ERMP1: variants seen among roughly 807,000 people sequenced by gnomAD.
ERMP1 encodes Felix-ina.
Under a neutral mutation model 92.0 loss-of-function variants are expected in ERMP1, and 86 were observed. The ratio of observed to expected loss-of-function variants is 0.93; its 90% CI spans 0.79 to 1.12. The LOEUF is 1.12. ERMP1 is among the 50% of genes most tolerant of loss of function. ERMP1 has a pLI of 0.00. For missense variants in ERMP1, 1,342 were observed against 1,116.3 expected (o/e 1.20, Z -2.88); for synonymous variants, 530 against 412.8 (o/e 1.28, Z -3.44).
At chr9:5,821,154 A>G (rs1829520847) in intron 4 of ERMP1, among the ~76,000 whole-genome samples, 1 of 152,274 alleles carries the variant, frequency 6.6e-6, no homozygotes, top group African/African-American at 2.4e-5. Flanking sequence ...CTAACCAGTC[A>G]TAAATCTGTT....
intron 6 of ERMP1, among the ~76,000 whole-genome samples, chr9:5,850,119 C>G (rs973048115): frequency 2.0e-5 from 3 of 152,086 alleles, no homozygotes; most frequent in Non-Finnish European, 2.9e-5. Context: ...GTCTCCCCCC[C>G]TTTACACTCT....
upstream of ERMP1, among the ~76,000 whole-genome samples, chr9:5,834,713 G>A (rs1023232983): frequency 3.4e-5 from 5 of 146,344 alleles, no homozygotes; most frequent in African/African-American, 1.3e-4. Context: ...ATGTGTGTGT[G>A]TGTGTGTGTG....
intron 5 of ERMP1, among the ~76,000 whole-genome samples, chr9:5,860,502 C>T (rs890539351): frequency 6.6e-6 from 1 of 152,012 alleles, no homozygotes; most frequent in Non-Finnish European, 1.5e-5. Context: ...AGAGCCATAA[C>T]GTATGGGCTC....
upstream of ERMP1, among the ~76,000 whole-genome samples, chr9:5,835,698 G>A (rs1418136800): frequency 6.6e-6 from 1 of 152,192 alleles, no homozygotes; most frequent in Non-Finnish European, 1.5e-5. Flanking sequence ...CCTGGCCCTG[G>A]TGAGGACTCT....
chr9:5,787,550 T>A lies in ERMP1; in HGVS notation c.2430A>T (p.Ser810=). The change falls in exon 14 of 15, where the codon TCA becomes TCT. Residue 810 remains serine (S), a synonymous_variant. Transcript: ENST00000339450. ...MSFYVRAHKG[S]TLSQWSLGNG... The stretch of plus-strand genomic sequence containing the variant: ...TGCCAAGAGACCACTGAGAAAGTGT[T>A]GACCCTTTGTGGGCTCGAACATAGA... 1 of 1,614,074 alleles carries A rather than the reference T, an allele frequency of 6.2e-7. No individual in the cohort carries two copies. Among genetic ancestry groups the A allele is most frequent in the Non-Finnish European group, 8.5e-7 (1 of 1,179,966 alleles).
At chr9:5,866,776 G>A (rs142246205) in intron 5 of ERMP1, among the ~76,000 whole-genome samples, 1 of 152,168 alleles carries the variant, frequency 6.6e-6, no homozygotes, top group African/African-American at 2.4e-5. Context: ...AGAGAGGGTG[G>A]GGATGGGCAA....
intron 5 of ERMP1, among the ~76,000 whole-genome samples, chr9:5,861,195 G>GTGTGTGTGTGTGTGTGTA (rs1830481824): frequency 9.3e-6 from 1 of 107,904 alleles, no homozygotes; most frequent in Admixed American, 9.8e-5. Flanking sequence ...GTGTGTGTGT[G>GTGTGTGTGTGTGTGTGTA]TGTGTGTGTG....
chr9:5,864,147 T>C (rs1335937398), intron 5 of ERMP1, among the ~76,000 whole-genome samples: 1 of 152,248 alleles, frequency 6.6e-6, no homozygotes, highest in Admixed American at 6.5e-5. Context: ...TGGAAATTGG[T>C]AGCTGAATGT....
Position 5,801,160 on chromosome 9 carries a change from A to C in ERMP1, c.2067+16T>G, listed in dbSNP as rs1828656965. ...TTCCTTTCCAGATCTCAAATACCTC[A>C]TGCAAAACTGCTCACCTGAAGAAAC... On this transcript the variant is annotated intron_variant, in intron 11 of 14. Coordinates refer to ENST00000339450, the MANE Select transcript of ERMP1 (RefSeq NM_024896.3). 6.2e-7 allele frequency: 1 copy of C among 1,604,042 alleles called. No homozygotes were observed. The highest frequency in any genetic ancestry group is 1.3e-5 in the African/African-American group (1 of 74,484).
At chr9:5,815,058 G>A (rs1829249711) in intron 4 of ERMP1, among the ~76,000 whole-genome samples, 1 of 152,108 alleles carries the variant, frequency 6.6e-6, no homozygotes, top group Admixed American at 6.5e-5. Flanking sequence ...ATACACAAAT[G>A]TGAGTAATTG....
At position 5,812,075 on chromosome 9, in the gene ERMP1, C is replaced by G. The variant is rs746732720; in HGVS notation, c.1114+50G>C. 11 of 1,119,070 alleles carry G rather than the reference C, an allele frequency of 9.8e-6. 1 individual carries two copies. 69.3% of individuals were successfully genotyped at this position (1,119,070 alleles called of 1,614,324 possible). On this transcript the variant is annotated intron_variant, in intron 6 of 14. Coordinates refer to ENST00000339450, the MANE Select transcript of ERMP1 (RefSeq NM_024896.3). ...AATATTTACAAGTTTATGTATCATC[C>G]CTAACATTCCATCTTAGTGTATATC...
chr9:5,823,265 T>C (rs2129642608), intron 4 of ERMP1, among the ~76,000 whole-genome samples: 1 of 152,194 alleles, frequency 6.6e-6, no homozygotes, highest in African/African-American at 2.4e-5. Context: ...TGACAGAGCA[T>C]GGCTCTGTCT....
At chr9:5,840,214 C>T (rs1011028555) in intron 6 of ERMP1, among the ~76,000 whole-genome samples, 2 of 151,990 alleles carry the variant, frequency 1.3e-5, no homozygotes, top group African/African-American at 4.8e-5. Flanking sequence ...TGCATTCCAG[C>T]CTGGGTGACA....
At chr9:5,824,200 T>C (rs758573043) in intron 3 of ERMP1, among the ~76,000 whole-genome samples, 199 bp from the exon 4 acceptor site, 5 of 152,160 alleles carry the variant, frequency 3.3e-5, no homozygotes, top group Admixed American at 6.5e-5. Flanking sequence ...GTTCGGAAAG[T>C]CACCTATCAC....
chr9:5,817,440 T>G (rs1005347658), intron 4 of ERMP1, among the ~76,000 whole-genome samples: 2 of 152,222 alleles, frequency 1.3e-5, no homozygotes, highest in Admixed American at 1.3e-4. Context: ...TCCGCCCGCC[T>G]TGGCCTCCCA....
intron 11 of ERMP1, among the ~76,000 whole-genome samples, chr9:5,800,631 G>A (rs1298033410): frequency 8.5e-5 from 13 of 152,048 alleles, no homozygotes; most frequent in Non-Finnish European, 1.0e-4. Flanking sequence ...AGCCAAGATC[G>A]TTCCACTGCA....
intron 4 of ERMP1, among the ~76,000 whole-genome samples, chr9:5,821,106 T>C (rs530910441): frequency 2.6e-5 from 4 of 152,342 alleles, no homozygotes; most frequent in South Asian, 4.1e-4. Context: ...AACATGGGGA[T>C]TTCAGAACAA....
At chr9:5,854,064 G>A (rs931114094) in intron 6 of ERMP1, among the ~76,000 whole-genome samples, 2 of 151,912 alleles carry the variant, frequency 1.3e-5, no homozygotes, top group African/African-American at 4.8e-5. Flanking sequence ...TTAACAAAGG[G>A]GGATAAATTG....
At chr9:5,860,927 C>T in intron 5 of ERMP1, among the ~76,000 whole-genome samples, 1 of 152,156 alleles carries the variant, frequency 6.6e-6, no homozygotes. Flanking sequence ...CTCTCACTCT[C>T]TCTCCTTCTG....
Sources: allele counts gnomAD v4.1 joint callset (sites outside exome capture counted in the v4.1 genomes callset), GRCh38; gene constraint gnomAD v4.1.1; transcripts MANE v1.5; gene names NCBI Gene and HGNC (gene_info 2026-07-23, HGNC 2026-07-21).